SERPINF1: variants seen among roughly 807,000 people sequenced by gnomAD.
The protein encoded by SERPINF1 is serpin family F member 1, also known as pigment epithelium-derived factor.
In SERPINF1, 29 loss-of-function variants were observed where a neutral mutation model predicts 37.3. That is an observed-to-expected ratio of 0.78 (90% CI 0.58 to 1.06). The LOEUF (loss-of-function observed/expected upper bound fraction) is 1.06, where lower values mean the gene tolerates loss of function less well. SERPINF1 is among the 50% of genes least tolerant of loss of function. The probability of loss-of-function intolerance (pLI) is 0.00; values close to 1 mark genes in which losing one functional copy is unlikely to be tolerated. For synonymous variants in SERPINF1, 281 were observed against 227.9 expected (o/e 1.23, Z -2.10); for missense variants, 553 against 532.2 (o/e 1.04, Z -0.38).
chr17:1,769,663 T>C (rs1246781120), intron 2 of SERPINF1, 189 bp from the exon 3 acceptor site: 1 of 653,308 alleles, frequency 1.5e-6, no homozygotes, highest in Non-Finnish European at 2.7e-6. Context: ...CTGCGCTGTC[T>C]CTCCACAGAG....
Position 1,776,752 on chromosome 17 carries a change from A to AT in SERPINF1, c.997+10_997+11insT. 6.2e-7 allele frequency: 1 copy of AT among 1,613,076 alleles called. No homozygotes were observed. The highest frequency in any genetic ancestry group is 8.5e-7 in the Non-Finnish European group (1 of 1,179,668). Reference sequence around the variant, plus strand: ...TCCCTGCAGGAGATGAGTATGTCTGAAGACCCTTTCGCTCTTGGTGGGTGG... The same window carrying AT: ...TCCCTGCAGGAGATGAGTATGTCTGATAGACCCTTTCGCTCTTGGTGGGTGG... On this transcript the variant is annotated intron_variant, in intron 7 of 7. Transcript: ENST00000254722.
Position 1,776,754 on chromosome 17 carries a change from G to T in SERPINF1, c.997+12G>T. On this transcript the variant is annotated intron_variant, in intron 7 of 7. Coordinates refer to ENST00000254722, the MANE Select transcript of SERPINF1 (RefSeq NM_002615.7). ...CCTGCAGGAGATGAGTATGTCTGAAGACCCTTTCGCTCTTGGTGGGTGGAT... is the reference window on the plus strand; with the variant it reads ...CCTGCAGGAGATGAGTATGTCTGAATACCCTTTCGCTCTTGGTGGGTGGAT... The T allele has an allele frequency of 6.2e-7, 1 of 1,613,224 alleles. No homozygotes were observed. Among genetic ancestry groups the T allele is most frequent in the South Asian group, 1.1e-5 (1 of 90,926 alleles).
In SERPINF1 at chr17:1,776,652, C is replaced by G. The variant is rs763291398; in HGVS notation, c.907C>G (p.Arg303Gly). Residue 303 changes from arginine to glycine, a missense_variant, in exon 7 of 8, where the codon CGA (arginine) becomes GGA (glycine). Physicochemically the swap from Arg to Gly is moderately radical, Grantham distance 125. Coordinates refer to ENST00000254722, the MANE Select transcript of SERPINF1 (RefSeq NM_002615.7). Reference protein sequence around the residue: ...LTSEFIHDIDRELKTVQAVLT... With the variant: ...LTSEFIHDIDGELKTVQAVLT... ...CTCCGAGTTCATTCATGACATAGAC[C>G]GAGAACTGAAGACCGTGCAGGCGGT... 6.2e-7 allele frequency: 1 copy of G among 1,613,898 alleles called. No individual in the cohort carries two copies. Among genetic ancestry groups the G allele is most frequent in the Admixed American group, 1.7e-5 (1 of 59,970 alleles).
At chr17:1,770,970 G>A (rs1453445147) in intron 3 of SERPINF1, 59 bp from the exon 4 acceptor site, 8 of 1,607,538 alleles carry the variant, frequency 5.0e-6, no homozygotes, top group Non-Finnish European at 6.8e-6. Context: ...TTCTGGGAGG[G>A]GGCTTGATTT....
intron 5 of SERPINF1, among the ~76,000 whole-genome samples, chr17:1,774,239 A>G (rs1343118736): frequency 6.6e-6 from 1 of 152,078 alleles, no homozygotes; most frequent in Non-Finnish European, 1.5e-5. Flanking sequence ...CTTTTTGCCT[A>G]GGCTGGAGTG....
rs149451759 is a variant in SERPINF1 at position 1,769,885 on chromosome 17, G to C, written c.118G>C (p.Val40Leu). Residue 40 changes from valine to leucine, a missense_variant, in exon 3 of 8, where the codon GTG becomes CTG. Transcript: ENST00000254722. ...AGACCCCGACAGCACAGGGGCGCTG[G>C]TGGAGGAGGAGGATCCTTTCTTCAA... ...SPDPDSTGAL[V>L]EEEDPFFKVP... 16 of 1,614,100 alleles carry C rather than the reference G, an allele frequency of 9.9e-6. No homozygotes were observed. Among genetic ancestry groups the C allele is most frequent in the Non-Finnish European group, 8.5e-7 (1 of 1,180,048 alleles).
chr17:1,762,788 GC>G (rs1907159455), intron 1 of SERPINF1: 1 of 152,304 alleles, frequency 6.6e-6, no homozygotes, highest in Non-Finnish European at 1.5e-5. Flanking sequence ...ATTTAGGCCG[GC>G]AGGTGTATAG....
intron 6 of SERPINF1, among the ~76,000 whole-genome samples, chr17:1,776,219 T>C (rs1457755663): frequency 1.3e-5 from 2 of 152,110 alleles, no homozygotes; most frequent in Non-Finnish European, 2.9e-5. Context: ...CCGATGGACT[T>C]TGGGAGAAAA....
chr17:1,771,985 C>G lies in SERPINF1; in HGVS notation c.553C>G (p.Gln185Glu). The G allele has an allele frequency of 1.2e-6, 2 of 1,613,928 alleles. No individual in the cohort carries two copies. The highest frequency in any genetic ancestry group is 1.3e-5 in the African/African-American group (1 of 75,000). ...LDLQEINNWV[Q>E]AQMKGKLARS... ...CCTGCAAGAGATCAACAACTGGGTG[C>G]AGGCGCAGATGAAAGGGAAGCTCGC... The change falls in exon 5 of 8, where the codon CAG becomes GAG. Residue 185 changes from glutamine (Q) to glutamate (E), a missense_variant. Coordinates refer to ENST00000254722, the MANE Select transcript of SERPINF1 (RefSeq NM_002615.7).
chr17:1,770,003 T>A lies in SERPINF1; in HGVS notation c.236T>A (p.Leu79His). 1 of 1,614,174 alleles carries A rather than the reference T, an allele frequency of 6.2e-7. No homozygotes were observed. The highest frequency in any genetic ancestry group is 8.5e-7 in the Non-Finnish European group (1 of 1,180,014). The change falls in exon 3 of 8, where the codon CTC (leucine) becomes CAC (histidine). Residue 79 changes from leucine to histidine, a missense_variant. Coordinates refer to ENST00000254722, the MANE Select transcript of SERPINF1 (RefSeq NM_002615.7). ...RSSTSPTTNVLLSPLSVATAL... is the reference protein window; with the variant it reads ...RSSTSPTTNVHLSPLSVATAL... ...AGCACGAGCCCCACGACCAACGTGC[T>A]CCTGTCTCCTCTCAGTGTGGCCACG...
intron 2 of SERPINF1, among the ~76,000 whole-genome samples, chr17:1,769,372 G>A (rs1003612355): frequency 2.7e-5 from 4 of 148,426 alleles, no homozygotes; most frequent in Non-Finnish European, 3.0e-5. Flanking sequence ...TCACGCCACC[G>A]TACTCCAGCC....
intron 6 of SERPINF1, 60 bp downstream of exon 6, chr17:1,775,260 CAG>C: frequency 6.4e-7 from 1 of 1,552,378 alleles, no homozygotes; most frequent in Non-Finnish European, 8.8e-7. Flanking sequence ...AGAAGCAAAA[CAG>C]GGTAGTGGGA....
At position 1,776,608 on chromosome 17, in the gene SERPINF1, T is replaced by C. The variant is rs1403459430; in HGVS notation, c.863T>C (p.Leu288Ser). 6.2e-7 allele frequency: 1 copy of C among 1,613,894 alleles called. No homozygotes were observed. Among genetic ancestry groups the C allele is most frequent in the Non-Finnish European group, 8.5e-7 (1 of 1,180,016 alleles). Residue 288 changes from leucine (L) to serine (S), a missense_variant, in exon 7 of 8, where the codon TTG (leucine) becomes TCG (serine). Transcript: ENST00000254722. Reference protein sequence around the residue: ...LPLKVTQNLTLIEESLTSEFI... With the variant: ...LPLKVTQNLTSIEESLTSEFI... ...CTGAAAGTGACCCAGAATTTGACCT[T>C]GATAGAGGAGAGCCTCACCTCCGAG...
At chr17:1,776,826 C>A in intron 7 of SERPINF1, 84 bp downstream of exon 7, 1 of 1,289,816 alleles carries the variant, frequency 7.8e-7, no homozygotes, top group Non-Finnish European at 1.1e-6. Context: ...AAGCAGAACG[C>A]AAGGGCTCCA....
At chr17:1,766,815 TG>T in intron 1 of SERPINF1, 87 bp from the exon 2 acceptor site, 2 of 1,316,316 alleles carry the variant, frequency 1.5e-6, no homozygotes, top group Non-Finnish European at 2.1e-6. Flanking sequence ...GCCCAACCCC[TG>T]GGTCCTGGCT....
At position 1,777,511 on chromosome 17, in the gene SERPINF1, C is replaced by T. The variant is rs184188298; in HGVS notation, c.*65C>T. On this transcript the variant is annotated 3_prime_UTR_variant, in exon 8 of 8. Coordinates refer to ENST00000254722, the MANE Select transcript of SERPINF1 (RefSeq NM_002615.7). The stretch of plus-strand genomic sequence containing the variant: ...GAGGGACAGCAGATTCCACAGGACA[C>T]GAAGGCTGCCCCTGTAAGGTTTCAA... 2.5e-4 allele frequency: 397 copies of T among 1,601,258 alleles called. 1 individual carries two copies. In the African/African-American group the frequency reaches 4.5e-3, roughly 18 times the overall value.
chr17:1,770,920 G>C (rs1287729087), intron 3 of SERPINF1, 109 bp from the exon 4 acceptor site: 1 of 1,352,522 alleles, frequency 7.4e-7, no homozygotes, highest in Non-Finnish European at 1.1e-6. Flanking sequence ...CAGCCTACTT[G>C]GGCTCTCAGC....
intron 1 of SERPINF1, among the ~76,000 whole-genome samples, chr17:1,762,566 C>T (rs1399198275): frequency 1.3e-5 from 2 of 152,198 alleles, no homozygotes; most frequent in Non-Finnish European, 2.9e-5. Flanking sequence ...CCCCTGCTCC[C>T]TCGGCTCCCT....
Position 1,776,615 on chromosome 17 carries a change from G to A in SERPINF1, c.870G>A (p.Glu290=), listed in dbSNP as rs569714363. 3 of 1,614,020 alleles carry A rather than the reference G, an allele frequency of 1.9e-6. No individual in the cohort carries two copies. Among genetic ancestry groups the A allele is most frequent in the Admixed American group, 3.3e-5 (2 of 59,994 alleles). The change falls in exon 7 of 8, where the codon GAG becomes GAA. Residue 290 remains glutamate, a synonymous_variant. Coordinates refer to ENST00000254722, the MANE Select transcript of SERPINF1 (RefSeq NM_002615.7). ...TGACCCAGAATTTGACCTTGATAGA[G>A]GAGAGCCTCACCTCCGAGTTCATTC... ...LKVTQNLTLI[E]ESLTSEFIHD...
Sources: allele counts gnomAD v4.1 joint callset (sites outside exome capture counted in the v4.1 genomes callset), GRCh38; gene constraint gnomAD v4.1.1; transcripts MANE v1.5; gene names NCBI Gene and HGNC (gene_info 2026-07-23, HGNC 2026-07-21).